Variants in ZC3H12B observed in about 807,000 individuals in gnomAD.
ZC3H12B encodes the protein zinc finger CCCH-type containing 12B, also known as probable ribonuclease ZC3H12B.
ZC3H12B carries 7 observed loss-of-function variants against 43.9 expected under a neutral mutation model. That is an observed-to-expected ratio of 0.16 (90% CI 0.09 to 0.30). The LOEUF (loss-of-function observed/expected upper bound fraction) is 0.30, where lower values mean the gene tolerates loss of function less well. Among genes scored for constraint, ZC3H12B ranks in the 10% least tolerant of loss-of-function variants. ZC3H12B has a pLI of 1.00. For missense variants in ZC3H12B, 475 were observed against 670.2 expected (o/e 0.71, Z 3.22); for synonymous variants, 222 against 241.7 (o/e 0.92, Z 0.76).
At chrX:65,401,744 T>G (rs1159179292) in intron 3 of ZC3H12B, among the ~76,000 whole-genome samples, 1 of 111,589 alleles carries the variant, frequency 9.0e-6, no homozygotes, top group Non-Finnish European at 1.9e-5. Context: ...AGATACCACC[T>G]CAGCCACAGC....
chrX:65,046,374 C>T, the ZC3H12B span, among the ~76,000 whole-genome samples: 1 of 112,340 alleles, frequency 8.9e-6, no homozygotes, highest in South Asian at 3.7e-4. Context: ...GCTTCTTCAG[C>T]ACCACTTGAT....
At chrX:65,323,842 C>T in the ZC3H12B span, among the ~76,000 whole-genome samples, 3 of 112,097 alleles carry the variant, frequency 2.7e-5, no homozygotes, top group Admixed American at 9.4e-5. Flanking sequence ...TCTTCTATTC[C>T]TCTCCAGCAT....
At chrX:65,462,353 A>T (rs1202729543) in intron 3 of ZC3H12B, among the ~76,000 whole-genome samples, 1 of 110,717 alleles carries the variant, frequency 9.0e-6, no homozygotes, top group Non-Finnish European at 1.9e-5. Flanking sequence ...TCTACTAAAA[A>T]ATACAAAACT....
At chrX:65,478,833 T>C (rs2068028944) in intron 3 of ZC3H12B, among the ~76,000 whole-genome samples, 1 of 112,427 alleles carries the variant, frequency 8.9e-6, no homozygotes, top group Non-Finnish European at 1.9e-5. Context: ...TACACAAGTA[T>C]GTGTCCTTCT....
chrX:65,074,647 C>T, the ZC3H12B span, among the ~76,000 whole-genome samples: 6 of 111,621 alleles, frequency 5.4e-5, no homozygotes, highest in Admixed American at 3.8e-4. Context: ...TTTAGACTTT[C>T]TGCACTTCTT....
At chrX:65,439,086 G>T in intron 3 of ZC3H12B, among the ~76,000 whole-genome samples, 1 of 112,642 alleles carries the variant, frequency 8.9e-6, no homozygotes, top group Middle Eastern at 4.6e-3. Context: ...TGAAATCACA[G>T]AGCTTCCAAG....
At chrX:65,253,448 G>T in the ZC3H12B span, among the ~76,000 whole-genome samples, 2 of 112,479 alleles carry the variant, frequency 1.8e-5, no homozygotes, top group Non-Finnish European at 3.8e-5. Flanking sequence ...CAGAACTCCA[G>T]CTGGCGCAGA....
At chrX:65,141,692 A>T in the ZC3H12B span, among the ~76,000 whole-genome samples, 1 of 110,355 alleles carries the variant, frequency 9.1e-6, no homozygotes, top group Non-Finnish European at 1.9e-5. Flanking sequence ...TAAGTCCCCA[A>T]CATCCACTGT....
chrX:65,339,312 C>G, the ZC3H12B span, among the ~76,000 whole-genome samples: 1 of 111,579 alleles, frequency 9.0e-6, no homozygotes, highest in African/African-American at 3.3e-5. Flanking sequence ...CTACAGTGCA[C>G]CAGGACTCAT....
At chrX:65,431,076 A>G (rs1356852389) in intron 3 of ZC3H12B, among the ~76,000 whole-genome samples, 1 of 112,525 alleles carries the variant, frequency 8.9e-6, no homozygotes, top group African/African-American at 3.2e-5. Flanking sequence ...GGAACATGGT[A>G]AGACATGCAC....
At chrX:65,372,913 A>G (rs150978156) in intron 2 of ZC3H12B, among the ~76,000 whole-genome samples, 5 of 112,495 alleles carry the variant, frequency 4.4e-5, no homozygotes, top group African/African-American at 1.6e-4. Flanking sequence ...TGTCAGTAGT[A>G]AAATACATAA....
intron 1 of ZC3H12B, among the ~76,000 whole-genome samples, chrX:65,496,111 C>T (rs958589308): frequency 8.9e-6 from 1 of 112,000 alleles, no homozygotes; most frequent in Non-Finnish European, 1.9e-5. Flanking sequence ...TTTCGATGTA[C>T]TCATATTTTT....
the ZC3H12B span, among the ~76,000 whole-genome samples, chrX:65,156,608 C>T: frequency 9.0e-6 from 1 of 110,959 alleles, no homozygotes; most frequent in Non-Finnish European, 1.9e-5. Flanking sequence ...CTTGAACTCT[C>T]GACCCCAGGT....
the ZC3H12B span, among the ~76,000 whole-genome samples, chrX:65,107,290 G>T: frequency 9.0e-6 from 1 of 110,898 alleles, no homozygotes; most frequent in Admixed American, 9.6e-5. Context: ...TTGTGGGGCA[G>T]AGAATAAAAG....
At chrX:65,394,888 G>T (rs771972474) in intron 2 of ZC3H12B, among the ~76,000 whole-genome samples, 1 of 111,681 alleles carries the variant, frequency 9.0e-6, no homozygotes, top group African/African-American at 3.3e-5. Flanking sequence ...TTGGGCAGTG[G>T]CTTGTAGTTC....
At chrX:65,042,172 C>T in the ZC3H12B span, among the ~76,000 whole-genome samples, 3 of 112,479 alleles carry the variant, frequency 2.7e-5, no homozygotes, top group Admixed American at 9.4e-5. Flanking sequence ...AGGAATAGTA[C>T]ACAGGTTATT....
chrX:65,197,530 A>G, the ZC3H12B span, among the ~76,000 whole-genome samples: 11 of 112,349 alleles, frequency 9.8e-5, no homozygotes, highest in African/African-American at 3.2e-4. Flanking sequence ...TTAATTAAGG[A>G]CTAATTAAAA....
the ZC3H12B span, among the ~76,000 whole-genome samples, chrX:65,057,377 A>G: frequency 9.0e-6 from 1 of 111,726 alleles, no homozygotes; most frequent in African/African-American, 3.3e-5. Flanking sequence ...TTCTGGGTTG[A>G]AAATTCTTTT....
chrX:65,252,403 T>C, the ZC3H12B span, among the ~76,000 whole-genome samples: 3 of 111,989 alleles, frequency 2.7e-5, no homozygotes, highest in African/African-American at 9.7e-5. Flanking sequence ...TTCTCTCTTT[T>C]TGTTGTGTCT....
Sources: allele counts gnomAD v4.1 joint callset (sites outside exome capture counted in the v4.1 genomes callset), GRCh38; gene constraint gnomAD v4.1.1; transcripts MANE v1.5; gene names NCBI Gene and HGNC (gene_info 2026-07-23, HGNC 2026-07-21).